Variants in SDK1 observed in about 807,000 individuals in gnomAD.
SDK1 encodes protein sidekick-1.
In SDK1, 157 loss-of-function variants were observed where a neutral mutation model predicts 245.5. The ratio of observed to expected loss-of-function variants is 0.64; its 90% CI spans 0.56 to 0.73. The LOEUF (loss-of-function observed/expected upper bound fraction) is 0.73, where lower values mean the gene tolerates loss of function less well. Among genes scored for constraint, SDK1 ranks in the 30% least tolerant of loss-of-function variants. The probability of loss-of-function intolerance (pLI) is 0.00; values close to 1 mark genes in which losing one functional copy is unlikely to be tolerated. For synonymous variants in SDK1, 1,647 were observed against 1,278.5 expected, an observed-to-expected ratio of 1.29 and a Z score of -6.15; for missense variants, 3,583 against 3,002.3, an observed-to-expected ratio of 1.19 and a Z score of -4.52.
Position 3,778,127 on chromosome 7 carries a change from G to T in SDK1, c.714-43323G>T, listed in dbSNP as rs115053173. Among the ~76,000 whole-genome samples, 840 of 152,284 alleles carry T rather than the reference G, an allele frequency of 5.5e-3. 9 individuals are homozygous for T. Among genetic ancestry groups the T allele is most frequent in the African/African-American group, 0.019 (808 of 41,562 alleles). On this transcript the variant is annotated intron_variant, in intron 4 of 44. Coordinates refer to ENST00000404826, the MANE Select transcript of SDK1 (RefSeq NM_152744.4). ...AGAGCAATGCATTTCCCATGCCGTCGTGTCTCCCATCTTGTAGCAACCAGT... is the reference window on the plus strand; with the variant it reads ...AGAGCAATGCATTTCCCATGCCGTCTTGTCTCCCATCTTGTAGCAACCAGT...
intron 4 of SDK1, among the ~76,000 whole-genome samples, chr7:3,810,885 G>A (rs148264998): frequency 3.6e-4 from 55 of 152,288 alleles, no homozygotes; most frequent in Non-Finnish European, 6.8e-4. Flanking sequence ...ATTATTACAT[G>A]TACGCTCTTG....
At chr7:3,665,442 C>T (rs188852862) in intron 4 of SDK1, among the ~76,000 whole-genome samples, 42 of 145,552 alleles carry the variant, frequency 2.9e-4, no homozygotes, top group Admixed American at 2.3e-3. Context: ...TTTTGCAATT[C>T]TTTGAGGGTA....
At chr7:4,100,594 G>A (rs1487148891) in intron 22 of SDK1, among the ~76,000 whole-genome samples, 2 of 152,162 alleles carry the variant, frequency 1.3e-5, no homozygotes, top group African/African-American at 4.8e-5. Flanking sequence ...TCCACCACGT[G>A]AGGACACAGG....
At chr7:3,732,045 C>T (rs1164348840) in intron 4 of SDK1, among the ~76,000 whole-genome samples, 1 of 152,232 alleles carries the variant, frequency 6.6e-6, no homozygotes, top group Non-Finnish European at 1.5e-5. Flanking sequence ...CCGCCTCAGC[C>T]TCCCAGAGTG....
chr7:3,467,682 T>C (rs1437134627), intron 1 of SDK1, among the ~76,000 whole-genome samples: 1 of 152,170 alleles, frequency 6.6e-6, no homozygotes, highest in Non-Finnish European at 1.5e-5. Flanking sequence ...ATTCAATTTC[T>C]TCGTTTGTGA....
At chr7:3,321,292 C>G (rs1478693895) in intron 1 of SDK1, among the ~76,000 whole-genome samples, 2 of 152,178 alleles carry the variant, frequency 1.3e-5, no homozygotes, top group African/African-American at 4.8e-5. Flanking sequence ...TGCTGGGTCA[C>G]TTAATTTGAG....
intron 4 of SDK1, among the ~76,000 whole-genome samples, chr7:3,649,102 G>A (rs1583270008): frequency 6.6e-6 from 1 of 152,042 alleles, no homozygotes; most frequent in Non-Finnish European, 1.5e-5. Context: ...GGCATCCCAC[G>A]TGTGCCCCTC....
intron 4 of SDK1, among the ~76,000 whole-genome samples, chr7:3,728,305 T>A (rs1243687098): frequency 1.3e-5 from 2 of 152,222 alleles, no homozygotes; most frequent in African/African-American, 4.8e-5. Flanking sequence ...TGTCTCAGGG[T>A]TCACTCCTTC....
intron 4 of SDK1, among the ~76,000 whole-genome samples, chr7:3,802,436 G>A (rs1190514434): frequency 6.6e-6 from 1 of 152,120 alleles, no homozygotes; most frequent in Non-Finnish European, 1.5e-5. Flanking sequence ...TCAGCAGGCT[G>A]AGGTGGGAGG....
At chr7:4,078,524 A>G (rs1323948960) in intron 21 of SDK1, among the ~76,000 whole-genome samples, 1 of 152,178 alleles carries the variant, frequency 6.6e-6, no homozygotes, top group East Asian at 1.9e-4. Flanking sequence ...CCTGTGCAAG[A>G]CCTGGTTTCA....
At chr7:3,429,293 T>A (rs1313057535) in intron 1 of SDK1, among the ~76,000 whole-genome samples, 1 of 152,222 alleles carries the variant, frequency 6.6e-6, no homozygotes. Context: ...TACTTTTACT[T>A]ATTTGTAATG....
chr7:3,434,819 G>C (rs1291770361), intron 1 of SDK1, among the ~76,000 whole-genome samples: 4 of 152,004 alleles, frequency 2.6e-5, no homozygotes, highest in Non-Finnish European at 5.9e-5. Flanking sequence ...GGGGGACAGA[G>C]CACACCCTAG....
chr7:4,157,633 G>C (rs1203917475), intron 30 of SDK1, among the ~76,000 whole-genome samples: 3 of 152,096 alleles, frequency 2.0e-5, no homozygotes, highest in Non-Finnish European at 2.9e-5. Context: ...CGACGGGCTG[G>C]GGGTATTTTT....
intron 5 of SDK1, among the ~76,000 whole-genome samples, chr7:3,918,449 C>G (rs900468997): frequency 6.6e-6 from 1 of 152,184 alleles, no homozygotes; most frequent in Admixed American, 6.5e-5. Flanking sequence ...TTACACACGC[C>G]TTATGAGAAT....
rs145243120 is a variant in SDK1 at position 4,267,724 on chromosome 7, A to T, written c.*2340A>T. 84 of 985,412 alleles carry T rather than the reference A, an allele frequency of 8.5e-5. No individual in the cohort carries two copies. In the East Asian group the frequency reaches 8.6e-3, roughly 100 times the overall value. 61.0% of individuals were successfully genotyped at this position (985,412 alleles called of 1,614,324 possible). On this transcript the variant is annotated 3_prime_UTR_variant, in exon 45 of 45. Coordinates refer to ENST00000404826, the MANE Select transcript of SDK1 (RefSeq NM_152744.4). ...TTTGTTGCTCTCGGGTTTTCGATAC[A>T]ACATCATGACACTTCTGTTTCAAGC...
intron 1 of SDK1, among the ~76,000 whole-genome samples, chr7:3,385,151 C>A (rs771617215): frequency 1.3e-5 from 2 of 152,180 alleles, no homozygotes; most frequent in Non-Finnish European, 2.9e-5. Flanking sequence ...CTACCACTTT[C>A]CACTCACGTC....
intron 22 of SDK1, among the ~76,000 whole-genome samples, chr7:4,081,889 T>TGTCACTTTTCCCCCATACAC (rs1781083580): frequency 6.6e-6 from 1 of 152,206 alleles, no homozygotes; most frequent in Non-Finnish European, 1.5e-5. Context: ...TCAGACCACA[T>TGTCACTTTTCCCCCATACAC]GTCACTTTTC....
intron 1 of SDK1, among the ~76,000 whole-genome samples, chr7:3,432,723 G>A (rs763657943): frequency 6.6e-6 from 1 of 152,082 alleles, no homozygotes; most frequent in Non-Finnish European, 1.5e-5. Context: ...TGATTGATCC[G>A]GTTGTGAAAT....
In SDK1 at chr7:3,301,848, G is replaced by A. The variant is rs1411123903; in HGVS notation, c.262G>A (p.Ala88Thr). ...PGRRGWWALLALQLHLLRALA... is the reference protein window; with the variant it reads ...PGRRGWWALLTLQLHLLRALA... ...CCGCCGCGGCTGGTGGGCGCTGCTG[G>A]CGCTGCAGCTGCACTTGCTCCGGGC... is the stretch of plus-strand genomic sequence containing the variant. The change falls in exon 1 of 45, where the codon GCG (alanine) becomes ACG (threonine). Residue 88 changes from alanine to threonine, a missense_variant. Transcript: ENST00000404826. 4 of 1,134,332 alleles carry A rather than the reference G, an allele frequency of 3.5e-6. No individual in the cohort carries two copies. Among genetic ancestry groups the A allele is most frequent in the Non-Finnish European group, 4.3e-6 (4 of 926,434 alleles). 70.3% of individuals were successfully genotyped at this position (1,134,332 alleles called of 1,614,324 possible).
Sources: allele counts gnomAD v4.1 joint callset (sites outside exome capture counted in the v4.1 genomes callset), GRCh38; gene constraint gnomAD v4.1.1; transcripts MANE v1.5; gene names NCBI Gene and HGNC (gene_info 2026-07-23, HGNC 2026-07-21).